The following TNIK variants were observed in gnomAD, a reference collection of about 807,000 sequenced individuals.
TNIK encodes TRAF2 and NCK interacting kinase, also known as TRAF2 and NCK-interacting protein kinase.
Under a neutral mutation model 191.3 loss-of-function variants are expected in TNIK, and 49 were observed. The observed-to-expected ratio is 0.26, with a 90% confidence interval of 0.20 to 0.32. The LOEUF (loss-of-function observed/expected upper bound fraction) is 0.32. Ranked by LOEUF, TNIK falls within the 10% of genes least tolerant of loss-of-function variation. The probability of loss-of-function intolerance (pLI) is 1.00; values close to 1 mark genes in which losing one functional copy is unlikely to be tolerated. For missense variants in TNIK, 1,155 were observed against 1,702.3 expected, an observed-to-expected ratio of 0.68 and a Z score of 5.66; for synonymous variants, 594 against 600.9, an observed-to-expected ratio of 0.99 and a Z score of 0.17.
At chr3:171,398,263 T>A (rs1418331317) in intron 1 of TNIK, among the ~76,000 whole-genome samples, 1 of 152,182 alleles carries the variant, frequency 6.6e-6, no homozygotes, top group East Asian at 1.9e-4. Context: ...AAGTTTCCAC[T>A]GTGTAGTTCC....
At chr3:171,245,896 A>G (rs1383737758) in intron 2 of TNIK, among the ~76,000 whole-genome samples, 7 of 152,202 alleles carry the variant, frequency 4.6e-5, no homozygotes, top group Admixed American at 4.6e-4. Flanking sequence ...CCTATTGGAA[A>G]TAAGAGAGAG....
At chr3:171,285,379 T>G (rs1280164231) in intron 2 of TNIK, among the ~76,000 whole-genome samples, 2 of 152,236 alleles carry the variant, frequency 1.3e-5, no homozygotes, top group Non-Finnish European at 2.9e-5. Context: ...TGACTTTAAC[T>G]GCATCTCCTC....
intron 1 of TNIK, among the ~76,000 whole-genome samples, chr3:171,379,733 G>A (rs1434512610): frequency 5.9e-5 from 9 of 152,118 alleles, no homozygotes; most frequent in African/African-American, 9.7e-5. Flanking sequence ...CATGCAGGCC[G>A]GACACAGTGG....
At chr3:171,438,621 A>T (rs1726338646) in intron 1 of TNIK, among the ~76,000 whole-genome samples, 1 of 152,256 alleles carries the variant, frequency 6.6e-6, no homozygotes, top group African/African-American at 2.4e-5. Context: ...GAAGCAAAAC[A>T]GAGATGCAGG....
intron 2 of TNIK, among the ~76,000 whole-genome samples, chr3:171,361,234 G>T (rs1386591069): frequency 2.6e-5 from 4 of 152,078 alleles, no homozygotes; most frequent in Admixed American, 1.3e-4. Context: ...TTAAAGAAAG[G>T]CCCAATTATC....
intron 3 of TNIK, among the ~76,000 whole-genome samples, chr3:171,224,359 T>C (rs555965436): frequency 1.3e-5 from 2 of 152,262 alleles, no homozygotes; most frequent in East Asian, 3.9e-4. Flanking sequence ...GCTTACAATA[T>C]TAGTATTTCA....
intron 8 of TNIK, 91 bp from the exon 9 acceptor site, chr3:171,175,421 G>A (rs1735844641): frequency 9.6e-7 from 1 of 1,042,580 alleles, no homozygotes; most frequent in Non-Finnish European, 1.4e-6. Flanking sequence ...GCTGCCCAAT[G>A]ACCCACTCAG....
At chr3:171,134,135 A>G (rs1470572909) in intron 15 of TNIK, among the ~76,000 whole-genome samples, 2 of 152,204 alleles carry the variant, frequency 1.3e-5, no homozygotes, top group African/African-American at 4.8e-5. Context: ...AGGAATCTCC[A>G]TCATCCAAAA....
At chr3:171,362,227 T>C (rs569358061) in intron 2 of TNIK, among the ~76,000 whole-genome samples, 1 of 152,330 alleles carries the variant, frequency 6.6e-6, no homozygotes, top group African/African-American at 2.4e-5. Context: ...CATTGGCTTT[T>C]TTAAGCACTA....
At chr3:171,289,765 G>T (rs1751466110) in intron 2 of TNIK, among the ~76,000 whole-genome samples, 1 of 152,040 alleles carries the variant, frequency 6.6e-6, no homozygotes, top group East Asian at 1.9e-4. Flanking sequence ...AGCCAGGAAT[G>T]GTGGCACAGT....
At chr3:171,315,545 G>A (rs141005925) in intron 2 of TNIK, among the ~76,000 whole-genome samples, 20 of 152,216 alleles carry the variant, frequency 1.3e-4, no homozygotes, top group East Asian at 1.9e-4. Flanking sequence ...CAAACTGGGC[G>A]GCCTAAAATA....
In TNIK at chr3:171,443,655, C is replaced by CA. The variant is rs57803912; in HGVS notation, c.57+16351dup. 9.2e-3 allele frequency among the ~76,000 whole-genome samples: 1,320 copies of CA among 143,270 alleles called. 21 individuals are homozygous for CA. Among genetic ancestry groups the CA allele is most frequent in the African/African-American group, 0.03 (1,192 of 39,562 alleles). 94.0% of individuals were successfully genotyped at this position (143,270 alleles called of 152,430 possible). On this transcript the variant is annotated intron_variant, in intron 1 of 32. Transcript: ENST00000436636. Reference sequence around the variant, plus strand: ...AACATAGGGAGACCCCCCATCTCTACAAAAAAAAAAAATTTCAAAAAATTA... The same window carrying CA: ...AACATAGGGAGACCCCCCATCTCTACAAAAAAAAAAAAATTTCAAAAAATTA...
intron 1 of TNIK, among the ~76,000 whole-genome samples, chr3:171,393,063 C>T (rs888981359): frequency 3.3e-5 from 5 of 152,138 alleles, no homozygotes; most frequent in African/African-American, 1.2e-4. Context: ...TGTCTAAGAG[C>T]AGACAGCACT....
At chr3:171,089,683 C>G (rs1473983247) in intron 23 of TNIK, among the ~76,000 whole-genome samples, 1 of 152,176 alleles carries the variant, frequency 6.6e-6, no homozygotes, top group Non-Finnish European at 1.5e-5. Flanking sequence ...TTCTGTGTGC[C>G]AAGTACTGTA....
At chr3:171,377,277 A>T (rs1717391529) in intron 1 of TNIK, among the ~76,000 whole-genome samples, 1 of 152,192 alleles carries the variant, frequency 6.6e-6, no homozygotes, top group Non-Finnish European at 1.5e-5. Context: ...ATCTCTCAGA[A>T]CAGGGAGACT....
intron 4 of TNIK, among the ~76,000 whole-genome samples, chr3:171,202,362 C>A (rs930602040): frequency 6.6e-6 from 1 of 151,990 alleles, no homozygotes; most frequent in East Asian, 1.9e-4. Context: ...GAATGGTGAG[C>A]CAGTTTTCAG....
intron 2 of TNIK, among the ~76,000 whole-genome samples, chr3:171,254,513 A>G (rs980502716): frequency 7.2e-5 from 11 of 152,248 alleles, no homozygotes; most frequent in African/African-American, 2.7e-4. Context: ...TTCTGGATAT[A>G]CATCACCAAG....
chr3:171,218,131 T>A (rs897268213), intron 3 of TNIK, among the ~76,000 whole-genome samples: 3 of 152,148 alleles, frequency 2.0e-5, no homozygotes, highest in Non-Finnish European at 4.4e-5. Context: ...TATCCACATT[T>A]ATAGATGTAG....
chr3:171,239,246 CAT>C (rs1335777607), intron 2 of TNIK, among the ~76,000 whole-genome samples: 3 of 152,122 alleles, frequency 2.0e-5, no homozygotes, highest in Non-Finnish European at 2.9e-5. Context: ...AAATATAAGT[CAT>C]GTGAAGTTTT....
Sources: gnomAD v4.1 joint callset for allele counts (sites outside exome capture counted in the v4.1 genomes callset) on GRCh38, gnomAD v4.1.1 for gene constraint, MANE v1.5 for transcripts, NCBI Gene and HGNC (gene_info 2026-07-23, HGNC 2026-07-21) for gene names.